DACH1: variants seen among roughly 807,000 people sequenced by gnomAD.
The protein encoded by DACH1 is dachshund homolog 1.
Under a neutral mutation model 54.2 loss-of-function variants are expected in DACH1, and 12 were observed. That is an observed-to-expected ratio of 0.22 (90% CI 0.14 to 0.36). The LOEUF (loss-of-function observed/expected upper bound fraction) is 0.36. Ranked by LOEUF, DACH1 falls within the 10% of genes least tolerant of loss-of-function variation. The pLI is 1.00. For synonymous variants in DACH1, 386 were observed against 366.2 expected (o/e 1.05, Z -0.62); for missense variants, 805 against 929.8 (o/e 0.87, Z 1.75).
At chr13:71,467,933 A>AT (rs1264808088) in intron 10 of DACH1, among the ~76,000 whole-genome samples, 2 of 152,190 alleles carry the variant, frequency 1.3e-5, no homozygotes, top group East Asian at 3.8e-4. Context: ...AATAGTCAAT[A>AT]TGCAGTGCAG....
chr13:71,779,238 CAT>C (rs1320596431), intron 1 of DACH1, among the ~76,000 whole-genome samples: 2 of 71,456 alleles, frequency 2.8e-5, no homozygotes, highest in East Asian at 3.5e-4. Context: ...TATATATACA[CAT>C]ATATACGTAT....
At chr13:71,757,523 T>A (rs1238489355) in intron 1 of DACH1, among the ~76,000 whole-genome samples, 8 of 106,738 alleles carry the variant, frequency 7.5e-5, no homozygotes, top group African/African-American at 3.8e-4. Context: ...TTAAAGGTAC[T>A]TTTTTTTTTT....
intron 8 of DACH1, among the ~76,000 whole-genome samples, chr13:71,476,209 T>A (rs1406687895): frequency 6.6e-6 from 1 of 152,216 alleles, no homozygotes; most frequent in Admixed American, 6.5e-5. Flanking sequence ...ATCACAATAG[T>A]GCAGAGTCAT....
intron 10 of DACH1, among the ~76,000 whole-genome samples, chr13:71,441,971 C>A (rs1874044024): frequency 6.6e-6 from 1 of 151,986 alleles, no homozygotes; most frequent in African/African-American, 2.4e-5. Context: ...TAGATACAGG[C>A]ATGCATGCAT....
At chr13:71,717,580 T>C (rs894816435) in intron 1 of DACH1, among the ~76,000 whole-genome samples, 2 of 151,928 alleles carry the variant, frequency 1.3e-5, no homozygotes, top group Admixed American at 6.6e-5. Context: ...TAGATTTGTT[T>C]CTTATTTACA....
chr13:71,510,120 T>C (rs1203372701), intron 6 of DACH1, among the ~76,000 whole-genome samples: 1 of 152,074 alleles, frequency 6.6e-6, no homozygotes, highest in African/African-American at 2.4e-5. Context: ...AGGACACTAT[T>C]CTTTCTTCTT....
At chr13:71,748,884 TTCTTTCTTTCTTTC>T (rs1347058970) in intron 1 of DACH1, among the ~76,000 whole-genome samples, 69 of 16,512 alleles carry the variant, frequency 4.2e-3, no homozygotes, top group African/African-American at 5.2e-3. Context: ...CTTTCTTTCT[TTCTTTCTTTCTTTC>T]TCTTTCTTTC....
chr13:71,538,626 A>G (rs1246512371), intron 6 of DACH1, among the ~76,000 whole-genome samples: 2 of 152,098 alleles, frequency 1.3e-5, no homozygotes, highest in East Asian at 3.9e-4. Context: ...AGACCTTCAC[A>G]TGAATTCTCC....
rs1874778693 is a variant in DACH1, at chr13:71,866,387, A to ACGCCGCCGCCAGCGCTGATGCCGC, written c.359_382dup (p.Gly120_Gly127dup). ...GGCGTTGATGGGGGTGCTGGAAGCG[A>ACGCCGCCGCCAGCGCTGATGCCGC]CGCCGCCGCCAGCGCTGATGCCGCC... is the stretch of plus-strand genomic sequence containing the variant. On this transcript the variant is annotated inframe_insertion, in exon 1 of 11. Coordinates refer to ENST00000613252, the MANE Select transcript of DACH1 (RefSeq NM_080759.6). The ACGCCGCCGCCAGCGCTGATGCCGC allele has an allele frequency of 2.0e-6, 3 of 1,490,186 alleles. No homozygotes were observed. Among genetic ancestry groups the ACGCCGCCGCCAGCGCTGATGCCGC allele is most frequent in the East Asian group, 5.3e-5 (2 of 38,030 alleles). 92.3% of individuals were successfully genotyped at this position (1,490,186 alleles called of 1,614,324 possible). A position where few individuals can be genotyped will look rare whatever the true frequency, so the allele number is the denominator to read the frequency against.
At chr13:71,600,411 G>T (rs2138488633) in intron 3 of DACH1, among the ~76,000 whole-genome samples, 1 of 151,994 alleles carries the variant, frequency 6.6e-6, no homozygotes, top group South Asian at 2.1e-4. Flanking sequence ...CTGAGATATA[G>T]GTGGATATAT....
At chr13:71,558,147 A>AAGTTGTATTAAAT (rs996827257) in intron 5 of DACH1, among the ~76,000 whole-genome samples, 1 of 152,018 alleles carries the variant, frequency 6.6e-6, no homozygotes, top group Non-Finnish European at 1.5e-5. Context: ...ATTTGAGATA[A>AAGTTGTATTAAAT]AGTTGTATTA....
intron 6 of DACH1, among the ~76,000 whole-genome samples, chr13:71,556,728 A>G (rs1262229655): frequency 6.6e-6 from 1 of 152,114 alleles, no homozygotes; most frequent in Non-Finnish European, 1.5e-5. Context: ...GGTATTGAAA[A>G]AGTCAAATAG....
In DACH1 at chr13:71,527,753, C is replaced by T. The variant is rs17205213; in HGVS notation, c.1570+29271G>A. 6.9e-3 allele frequency among the ~76,000 whole-genome samples: 1,054 copies of T among 152,224 alleles called. 12 individuals carry two copies. The highest frequency in any genetic ancestry group is 0.024 in the African/African-American group (995 of 41,520). On this transcript the variant is annotated intron_variant, in intron 6 of 10. Coordinates refer to ENST00000613252, the MANE Select transcript of DACH1 (RefSeq NM_080759.6). ...ATCTCAGCAGTCAGAAGTCATTAAGCTTTGCCAATGATTTGAAACAATTTT... is the reference window on the plus strand; with the variant it reads ...ATCTCAGCAGTCAGAAGTCATTAAGTTTTGCCAATGATTTGAAACAATTTT...
intron 1 of DACH1, among the ~76,000 whole-genome samples, chr13:71,819,583 C>T (rs1178922103): frequency 6.6e-6 from 1 of 152,128 alleles, no homozygotes; most frequent in African/African-American, 2.4e-5. Flanking sequence ...GAGGTCATGA[C>T]TTTGTCTCTA....
intron 10 of DACH1, among the ~76,000 whole-genome samples, chr13:71,445,954 G>A (rs1378514659): frequency 6.6e-6 from 1 of 152,126 alleles, no homozygotes; most frequent in African/African-American, 2.4e-5. Context: ...TTCAAACTGT[G>A]CCATGTCTGT....
chr13:71,816,840 T>C (rs1887979508), intron 1 of DACH1, among the ~76,000 whole-genome samples: 1 of 151,826 alleles, frequency 6.6e-6, no homozygotes, highest in Non-Finnish European at 1.5e-5. Context: ...TGTTCTCACT[T>C]ATAAGTGGGA....
intron 5 of DACH1, among the ~76,000 whole-genome samples, chr13:71,558,865 C>T (rs985061833): frequency 1.3e-5 from 2 of 151,958 alleles, no homozygotes; most frequent in Non-Finnish European, 2.9e-5. Flanking sequence ...TCACTTTATG[C>T]ATACATTCCT....
intron 1 of DACH1, among the ~76,000 whole-genome samples, chr13:71,687,510 AATGCTT>A (rs1161294754): frequency 1.3e-5 from 2 of 152,208 alleles, no homozygotes; most frequent in Non-Finnish European, 2.9e-5. Flanking sequence ...TAAAATACTG[AATGCTT>A]ATCTTTGAAC....
At chr13:71,443,650 A>G (rs1593701484) in intron 10 of DACH1, among the ~76,000 whole-genome samples, 1 of 152,172 alleles carries the variant, frequency 6.6e-6, no homozygotes, top group Non-Finnish European at 1.5e-5. Flanking sequence ...ATTCTGAGCA[A>G]TGATGTAAAG....
Sources: gnomAD v4.1 joint callset for allele counts (sites outside exome capture counted in the v4.1 genomes callset) on GRCh38, gnomAD v4.1.1 for gene constraint, MANE v1.5 for transcripts, NCBI Gene and HGNC (gene_info 2026-07-23, HGNC 2026-07-21) for gene names.